Variants in SLC39A11 observed in about 807,000 individuals in gnomAD.
SLC39A11 encodes the protein solute carrier family 39 member 11, also known as zinc transporter ZIP11.
A neutral mutation model predicts 36.1 loss-of-function variants in SLC39A11; 33 were observed. The ratio of observed to expected loss-of-function variants is 0.91; its 90% CI spans 0.69 to 1.22. The LOEUF is 1.22. Among genes scored for constraint, SLC39A11 ranks in the 50% most tolerant of loss-of-function variants. The probability of loss-of-function intolerance (pLI) is 0.00; values close to 1 mark genes in which losing one functional copy is unlikely to be tolerated. For missense variants in SLC39A11, 432 were observed against 430.3 expected (o/e 1.00, Z -0.03); for synonymous variants, 166 against 170.3 (o/e 0.97, Z 0.20).
chr17:72,845,629 T>C (rs2079013529), intron 6 of SLC39A11, among the ~76,000 whole-genome samples: 1 of 152,258 alleles, frequency 6.6e-6, no homozygotes, highest in Admixed American at 6.5e-5. Context: ...ATTATGATGA[T>C]GTTCATCGAC....
intron 7 of SLC39A11, among the ~76,000 whole-genome samples, chr17:72,655,556 G>A (rs945526926): frequency 2.6e-5 from 4 of 152,200 alleles, no homozygotes; most frequent in African/African-American, 7.2e-5. Flanking sequence ...AGGTGTCAGA[G>A]GAGGTGAGGA....
At chr17:72,778,731 G>A (rs140167127) in intron 6 of SLC39A11, among the ~76,000 whole-genome samples, 2 of 152,314 alleles carry the variant, frequency 1.3e-5, no homozygotes, top group African/African-American at 4.8e-5. Flanking sequence ...CTGTCATCAC[G>A]GCGTCTGCTT....
chr17:72,994,386 T>C (rs17248224), intron 4 of SLC39A11, among the ~76,000 whole-genome samples: 1,554 of 152,242 alleles, frequency 0.01, 61 homozygotes, highest in Admixed American at 0.073. Flanking sequence ...TGTTTAGGGA[T>C]GTACATATAA....
chr17:72,723,828 ACC>A (rs1481642787), intron 7 of SLC39A11, among the ~76,000 whole-genome samples: 3 of 152,174 alleles, frequency 2.0e-5, no homozygotes, highest in East Asian at 3.9e-4. Context: ...ATTCACAAGC[ACC>A]AGGCTCCATG....
intron 4 of SLC39A11, among the ~76,000 whole-genome samples, chr17:72,955,849 G>A (rs889650999): frequency 1.3e-5 from 2 of 152,118 alleles, no homozygotes; most frequent in Non-Finnish European, 2.9e-5. Context: ...GGTGCACAGA[G>A]GGGAAGAAAA....
chr17:72,895,270 C>T (rs922453451), intron 5 of SLC39A11, among the ~76,000 whole-genome samples: 2 of 152,100 alleles, frequency 1.3e-5, no homozygotes, highest in Non-Finnish European at 2.9e-5. Flanking sequence ...GAAAACAGCC[C>T]TATCCTGCTT....
At chr17:72,926,541 T>A (rs2084060042) in intron 5 of SLC39A11, among the ~76,000 whole-genome samples, 1 of 152,196 alleles carries the variant, frequency 6.6e-6, no homozygotes, top group Non-Finnish European at 1.5e-5. Flanking sequence ...TTGCTGTTGT[T>A]GCTAAAATGA....
At chr17:72,887,893 A>G (rs1433232584) in intron 5 of SLC39A11, among the ~76,000 whole-genome samples, 3 of 152,170 alleles carry the variant, frequency 2.0e-5, no homozygotes, top group Admixed American at 2.0e-4. Flanking sequence ...CTAAGTGTGA[A>G]TGTGCTTGTG....
At chr17:72,811,219 T>C (rs1025535216) in intron 6 of SLC39A11, among the ~76,000 whole-genome samples, 4 of 152,078 alleles carry the variant, frequency 2.6e-5, no homozygotes, top group Admixed American at 1.3e-4. Flanking sequence ...ATTTTCTGAG[T>C]GTCAGACTGC....
intron 5 of SLC39A11, among the ~76,000 whole-genome samples, chr17:72,860,296 T>C (rs906015869): frequency 6.6e-6 from 1 of 152,090 alleles, no homozygotes; most frequent in African/African-American, 2.4e-5. Flanking sequence ...ATCCACCATT[T>C]CCCTCACCAG....
At chr17:72,826,071 G>A (rs2078017531) in intron 6 of SLC39A11, among the ~76,000 whole-genome samples, 1 of 152,160 alleles carries the variant, frequency 6.6e-6, no homozygotes, top group Non-Finnish European at 1.5e-5. Context: ...GATATGGTTT[G>A]GATTTGTGTC....
rs7219621 is a variant in SLC39A11 at position 72,756,540 on chromosome 17, C to T, written c.602-19821G>A. ...GTGAAATAAGCCAATCACAAAAAGA[C>T]GAATACTATATGATTCCACTTACGT... On this transcript the variant is annotated intron_variant, in intron 6 of 9. Coordinates refer to ENST00000255559, the MANE Select transcript of SLC39A11 (RefSeq NM_139177.4). Among the ~76,000 whole-genome samples, 1,263 of 152,274 alleles carry T rather than the reference C, an allele frequency of 8.3e-3. 19 individuals carry two copies. The highest frequency in any genetic ancestry group is 0.029 in the African/African-American group (1,216 of 41,548).
intron 5 of SLC39A11, among the ~76,000 whole-genome samples, chr17:72,943,745 C>A (rs1292563851): frequency 1.3e-5 from 2 of 152,132 alleles, no homozygotes; most frequent in African/African-American, 4.8e-5. Flanking sequence ...GCTAATAGAC[C>A]GATGAAATTC....
chr17:72,829,337 G>A (rs937640762), intron 6 of SLC39A11, among the ~76,000 whole-genome samples: 8 of 147,088 alleles, frequency 5.4e-5, no homozygotes, highest in Admixed American at 6.7e-5. Flanking sequence ...GAGACAGAGC[G>A]AGCCTCTGTC....
At chr17:72,815,345 C>T (rs1381947569) in intron 6 of SLC39A11, among the ~76,000 whole-genome samples, 5 of 152,202 alleles carry the variant, frequency 3.3e-5, no homozygotes, top group Admixed American at 6.5e-5. Context: ...AGAGGCTGGG[C>T]GTGGTGGCTC....
At chr17:72,722,553 T>C (rs747585009) in intron 7 of SLC39A11, among the ~76,000 whole-genome samples, 1 of 152,174 alleles carries the variant, frequency 6.6e-6, no homozygotes, top group African/African-American at 2.4e-5. Context: ...AGGTCTTTGG[T>C]CTTTCTGTTT....
chr17:72,820,106 T>C (rs114506660), intron 6 of SLC39A11, among the ~76,000 whole-genome samples: 2,700 of 151,318 alleles, frequency 0.018, 119 homozygotes, highest in African/African-American at 0.062. Context: ...CTTCCGTCAG[T>C]TTACACTAAG....
intron 5 of SLC39A11, among the ~76,000 whole-genome samples, chr17:72,882,067 G>C (rs192857829): frequency 6.6e-6 from 1 of 152,030 alleles, no homozygotes; most frequent in Non-Finnish European, 1.5e-5. Context: ...ATGCTCTTTC[G>C]GCCGGGCCGG....
chr17:72,951,096 T>A (rs576579486), intron 4 of SLC39A11, among the ~76,000 whole-genome samples: 1 of 91,848 alleles, frequency 1.1e-5, no homozygotes, highest in Non-Finnish European at 2.4e-5. Flanking sequence ...GCCCCATTTC[T>A]TAAAAAAAAA....
Sources: allele counts gnomAD v4.1 joint callset (sites outside exome capture counted in the v4.1 genomes callset), GRCh38; gene constraint gnomAD v4.1.1; transcripts MANE v1.5; gene names NCBI Gene and HGNC (gene_info 2026-07-23, HGNC 2026-07-21).